The following INPP5A variants were observed in gnomAD, a reference collection of about 807,000 sequenced individuals.
The protein encoded by INPP5A is 43 kDa inositol polyphosphate 5-phophatase.
INPP5A carries 14 observed loss-of-function variants against 65.2 expected under a neutral mutation model. The ratio of observed to expected loss-of-function variants is 0.21; its 90% confidence interval spans 0.14 to 0.34. INPP5A has a LOEUF of 0.34. Among genes scored for constraint, INPP5A ranks in the 10% least tolerant of loss-of-function variants. The pLI is 1.00. For synonymous variants in INPP5A, 207 were observed against 208.3 expected (o/e 0.99, Z 0.05); for missense variants, 431 against 545.6 (o/e 0.79, Z 2.09).
In INPP5A at chr10:132,575,459, TC is replaced by T. The variant is rs1345412845; in HGVS notation, c.76-32455del. Among the ~76,000 whole-genome samples, 1 of 152,130 alleles carries T rather than the reference TC, an allele frequency of 6.6e-6. No homozygotes were observed. Among genetic ancestry groups the T allele is most frequent in the African/African-American group, 2.4e-5 (1 of 41,426 alleles). ...ACAGGGGCCTGCACGTCACTGTCAG[TC>T]TGGTTAAACATCATAAAATTAGTAA... is the stretch of plus-strand genomic sequence containing the variant. On this transcript the variant is annotated intron_variant, in intron 1 of 15. Coordinates refer to ENST00000368594, the MANE Select transcript of INPP5A (RefSeq NM_005539.5). The surrounding 1 kb of genome is among the most constrained non-coding windows in gnomAD (Gnocchi z 5.4).
At chr10:132,759,911 G>A (rs1275881679) in intron 11 of INPP5A, among the ~76,000 whole-genome samples, 4 of 152,110 alleles carry the variant, frequency 2.6e-5, no homozygotes, top group Non-Finnish European at 5.9e-5. Flanking sequence ...ACTGTGCCCG[G>A]TGCATTCACC....
At chr10:132,635,324 ATTAT>A (rs2072329939) in intron 2 of INPP5A, among the ~76,000 whole-genome samples, 1 of 143,154 alleles carries the variant, frequency 7.0e-6, no homozygotes, top group African/African-American at 2.6e-5. Flanking sequence ...TGTCTTTTGA[ATTAT>A]TTAATTTTTT....
At chr10:132,653,827 G>T (rs1005436395) in intron 4 of INPP5A, among the ~76,000 whole-genome samples, 1 of 152,130 alleles carries the variant, frequency 6.6e-6, no homozygotes, top group Non-Finnish European at 1.5e-5. Flanking sequence ...TCAGCGCGGG[G>T]AGCACGGCGC....
intron 1 of INPP5A, among the ~76,000 whole-genome samples, chr10:132,605,116 G>A (rs2071828723): frequency 3.3e-5 from 5 of 150,648 alleles, no homozygotes; most frequent in Admixed American, 2.6e-4. Context: ...AGGAGGGAGT[G>A]GGAAGGGACT....
At chr10:132,734,872 G>A (rs1169735214) in intron 9 of INPP5A, among the ~76,000 whole-genome samples, 8 of 152,228 alleles carry the variant, frequency 5.3e-5, no homozygotes, top group Non-Finnish European at 1.0e-4. Flanking sequence ...CAGGGTCCTC[G>A]GATGGAGCTA....
At chr10:132,750,109 G>T (rs374169983) in intron 11 of INPP5A, among the ~76,000 whole-genome samples, 1 of 152,226 alleles carries the variant, frequency 6.6e-6, no homozygotes, top group African/African-American at 2.4e-5. Context: ...AGATCCCCCC[G>T]TGTGCGAGGG....
chr10:132,648,923 T>G (rs572971780), intron 3 of INPP5A, among the ~76,000 whole-genome samples: 1 of 152,362 alleles, frequency 6.6e-6, no homozygotes, highest in East Asian at 1.9e-4. Context: ...TAATCAAATT[T>G]GGGGAAAATT....
intron 2 of INPP5A, among the ~76,000 whole-genome samples, chr10:132,613,353 G>T (rs887265700): frequency 1.3e-5 from 2 of 152,050 alleles, no homozygotes; most frequent in Non-Finnish European, 2.9e-5. Context: ...CAGAGGCCCT[G>T]CTGGGCGGTT....
intron 2 of INPP5A, among the ~76,000 whole-genome samples, chr10:132,621,057 A>G (rs1178850709): frequency 1.3e-5 from 2 of 152,254 alleles, no homozygotes; most frequent in Non-Finnish European, 2.9e-5. Flanking sequence ...AACGCATTTG[A>G]CACAATTCTG....
rs148114619 is a variant in INPP5A, at chr10:132,637,690, G to A, written c.118-8178G>A. Among the ~76,000 whole-genome samples, 54 of 152,178 alleles carry A rather than the reference G, an allele frequency of 3.5e-4. No individual in the cohort carries two copies. The highest frequency in any genetic ancestry group is 1.9e-4 in the Non-Finnish European group (13 of 68,012). On this transcript the variant is annotated intron_variant, in intron 2 of 15. Coordinates refer to ENST00000368594, the MANE Select transcript of INPP5A (RefSeq NM_005539.5). The surrounding 1 kb of genome is among the most constrained non-coding windows in gnomAD (Gnocchi z 4.1). Reference sequence around the variant, plus strand: ...GACTGTTCTGTGCTTTGCCTTTGCCGCCCCCGAGGTTGATGGGCGCTCTCC... The same window carrying A: ...GACTGTTCTGTGCTTTGCCTTTGCCACCCCCGAGGTTGATGGGCGCTCTCC...
At chr10:132,662,798 C>T (rs1373869121) in intron 4 of INPP5A, among the ~76,000 whole-genome samples, 1 of 152,180 alleles carries the variant, frequency 6.6e-6, no homozygotes, top group East Asian at 1.9e-4. Context: ...TTAGCAAACA[C>T]AATCCAGAGC....
chr10:132,756,876 G>A lies in INPP5A; in HGVS notation c.903+7031G>A, dbSNP rs372277930. Among the ~76,000 whole-genome samples, 7 of 152,246 alleles carry A rather than the reference G, an allele frequency of 4.6e-5. No individual in the cohort carries two copies. In the South Asian group the frequency reaches 8.3e-4, roughly 18 times the overall value. The stretch of plus-strand genomic sequence containing the variant: ...GGACGCAGAGGCGGCAGAGAGGAAC[G>A]TCGATGATCCTGACCCTGTGCGGGC... On this transcript the variant is annotated intron_variant, in intron 11 of 15. Transcript: ENST00000368594.
At chr10:132,709,225 T>TCCC (rs1414598609) in intron 7 of INPP5A, among the ~76,000 whole-genome samples, 1 of 130,222 alleles carries the variant, frequency 7.7e-6, no homozygotes, top group East Asian at 2.6e-4. Context: ...GGGCAGGACA[T>TCCC]CCCCAGGAGG....
intron 2 of INPP5A, among the ~76,000 whole-genome samples, chr10:132,631,544 G>A (rs1247834461): frequency 2.0e-5 from 3 of 152,262 alleles, no homozygotes; most frequent in Non-Finnish European, 2.9e-5. Flanking sequence ...TGTGCAGGAT[G>A]TAATTCCTTT....
intron 1 of INPP5A, among the ~76,000 whole-genome samples, chr10:132,572,513 A>T (rs532264533): frequency 6.7e-6 from 1 of 149,898 alleles, no homozygotes; most frequent in Non-Finnish European, 1.5e-5. Context: ...TTTCCCTGGG[A>T]GGGATGCTGA....
At position 132,758,335 on chromosome 10, in the gene INPP5A, C is replaced by T. The variant is rs554867651; in HGVS notation, c.904-7438C>T. ...CCTGGCTGACCCCACACCCATAGCC[C>T]GGCACCATGGCGTGGGTCCCCGGCC... On this transcript the variant is annotated intron_variant, in intron 11 of 15. Coordinates refer to ENST00000368594, the MANE Select transcript of INPP5A (RefSeq NM_005539.5). Among the ~76,000 whole-genome samples, 56 of 133,136 alleles carry T rather than the reference C, an allele frequency of 4.2e-4. 3 individuals carry two copies. The highest frequency in any genetic ancestry group is 2.1e-3 in the South Asian group (8 of 3,868). 87.3% of individuals were successfully genotyped at this position (133,136 alleles called of 152,430 possible).
At chr10:132,696,603 C>T (rs112604666) in intron 5 of INPP5A, among the ~76,000 whole-genome samples, 6 of 152,346 alleles carry the variant, frequency 3.9e-5, no homozygotes, top group African/African-American at 1.2e-4. Flanking sequence ...AACTCTGTGA[C>T]ACTCTGGAAA....
chr10:132,723,473 G>C (rs1299872700), intron 8 of INPP5A, among the ~76,000 whole-genome samples: 2 of 143,078 alleles, frequency 1.4e-5, no homozygotes. Flanking sequence ...GGCCATGTGG[G>C]GATTGGCCGT....
intron 1 of INPP5A, among the ~76,000 whole-genome samples, chr10:132,544,708 C>T (rs1032744793): frequency 6.6e-6 from 1 of 151,994 alleles, no homozygotes; most frequent in Non-Finnish European, 1.5e-5. Context: ...TGGAATAAGC[C>T]TGGCAGTTCT....
Sources: gnomAD v4.1 joint callset for allele counts (sites outside exome capture counted in the v4.1 genomes callset) on GRCh38, gnomAD v4.1.1 for gene constraint, Gnocchi (gnomAD v3.1) non-coding constraint, MANE v1.5 for transcripts, NCBI Gene and HGNC (gene_info 2026-07-23, HGNC 2026-07-21) for gene names.